HOXC12: variants seen among roughly 807,000 people sequenced by gnomAD.
The protein encoded by HOXC12 is homeobox protein Hox-C12.
HOXC12 carries 24 observed loss-of-function variants against 20.9 expected under a neutral mutation model. The observed-to-expected ratio is 1.15, with a 90% CI of 0.83 to 1.61. The LOEUF (loss-of-function observed/expected upper bound fraction) is 1.61, where lower values mean the gene tolerates loss of function less well. Ranked by LOEUF, HOXC12 falls within the 40% of genes most tolerant of loss-of-function variation. The pLI is 0.00. For synonymous variants in HOXC12, 202 were observed against 197.7 expected (o/e 1.02, Z -0.18); for missense variants, 436 against 406.9 (o/e 1.07, Z -0.62).
At position 53,957,751 on chromosome 12, in the gene HOXC12, T is replaced by G. The variant is rs1345587428; in HGVS notation, c.*1185T>G. 1 of 151,922 alleles carries G rather than the reference T, an allele frequency of 6.6e-6. No individual in the cohort carries two copies. The highest frequency in any genetic ancestry group is 2.4e-5 in the African/African-American group (1 of 41,240). 9.4% of individuals were successfully genotyped at this position (151,922 alleles called of 1,614,324 possible). ...CAGCCCCCCACCCAACTCCCTTCTC[T>G]CTTCCTCGCCCGCCCCCCAACATTG... On this transcript the variant is annotated 3_prime_UTR_variant, in exon 2 of 2. Coordinates refer to ENST00000243103, the MANE Select transcript of HOXC12 (RefSeq NM_173860.3).
Position 53,957,578 on chromosome 12 carries a change from C to CG in HOXC12, c.*1014dup, listed in dbSNP as rs1448130537. 3.0e-5 allele frequency: 3 copies of CG among 100,558 alleles called. 1 individual carries two copies. The highest frequency in any genetic ancestry group is 2.2e-5 in the Non-Finnish European group (1 of 45,270). The allele number at this position is 100,558 out of a possible 1,614,324, so 6.2% of individuals were successfully genotyped here. A position where few individuals can be genotyped will look rare whatever the true frequency, so the allele number is the denominator to read the frequency against. On this transcript the variant is annotated 3_prime_UTR_variant, in exon 2 of 2. Transcript: ENST00000243103. ...ATTCTCCCTTCCCCGCTGGCGTTCA[C>CG]GGTCACTGCCTCACGGGCCGGCCAG...
At position 53,955,519 on chromosome 12, in the gene HOXC12, G is replaced by T; in HGVS notation, c.590G>T (p.Gly197Val). The T allele has an allele frequency of 6.8e-7, 1 of 1,468,546 alleles. No individual in the cohort carries two copies. The highest frequency in any genetic ancestry group is 9.0e-7 in the Non-Finnish European group (1 of 1,114,692). 91.0% of individuals were successfully genotyped at this position (1,468,546 alleles called of 1,614,324 possible). ...PGSLVSPLNP[G>V]GGLSASGAPW... Reference sequence around the variant, plus strand: ...AGCTTGGTATCGCCGTTGAACCCCGGCGGCGGGCTCTCGGCCAGCGGTAAG... The same window carrying T: ...AGCTTGGTATCGCCGTTGAACCCCGTCGGCGGGCTCTCGGCCAGCGGTAAG... Residue 197 changes from glycine to valine, a missense_variant, in exon 1 of 2, where the codon GGC (glycine) becomes GTC (valine). Coordinates refer to ENST00000243103, the MANE Select transcript of HOXC12 (RefSeq NM_173860.3).
At position 53,955,114 on chromosome 12, in the gene HOXC12, A is replaced by G. The variant is rs1938832076; in HGVS notation, c.185A>G (p.Asn62Ser). Residue 62 changes from asparagine to serine, a missense_variant, in exon 1 of 2, where the codon AAT becomes AGT. Transcript: ENST00000243103. ...SLSWPSAEPC[N>S]GYPQPYLGSP... The stretch of plus-strand genomic sequence containing the variant: ...TCCTGGCCGTCGGCGGAGCCGTGCA[A>G]TGGCTACCCGCAGCCCTACCTCGGC... 2 of 1,611,518 alleles carry G rather than the reference A, an allele frequency of 1.2e-6. No individual in the cohort carries two copies. Among genetic ancestry groups the G allele is most frequent in the Non-Finnish European group, 1.7e-6 (2 of 1,179,182 alleles).
chr12:53,955,460 G>T lies in HOXC12; in HGVS notation c.531G>T (p.Glu177Asp). ...ACTCCAGTTCGTCCCTGCTCAACGA[G>T]GGCAACAAGGGCGCCGGCGCAGGCG... ...ESDSSSSLLNEGNKGAGAGDP... is the reference protein window; with the variant it reads ...ESDSSSSLLNDGNKGAGAGDP... Residue 177 changes from glutamate (E) to aspartate (D), a missense_variant, in exon 1 of 2, where the codon GAG (glutamate) becomes GAT (aspartate). Physicochemically the swap from Glu to Asp is conservative, Grantham distance 45 (BLOSUM62 2). Transcript: ENST00000243103. 6.6e-7 allele frequency: 1 copy of T among 1,505,038 alleles called. No homozygotes were observed. The highest frequency in any genetic ancestry group is 8.8e-7 in the Non-Finnish European group (1 of 1,133,030). The allele number at this position is 1,505,038 out of a possible 1,614,324, so 93.2% of individuals were successfully genotyped here.
rs905568812 is a variant in HOXC12, at chr12:53,956,116, G to GA, written c.611-204dup. Among the ~76,000 whole-genome samples, 18 of 151,812 alleles carry GA rather than the reference G, an allele frequency of 1.2e-4. 2 individuals carry two copies. Among genetic ancestry groups the GA allele is most frequent in the African/African-American group, 2.4e-5 (1 of 41,306 alleles). ...AGGAGGTAAGAGCAAAGAATGAAAGGAAAAAAAAGAGTAAAGAAAGTGGGG... is the reference window on the plus strand; with the variant it reads ...AGGAGGTAAGAGCAAAGAATGAAAGGAAAAAAAAAGAGTAAAGAAAGTGGGG... On this transcript the variant is annotated intron_variant, in intron 1 of 1. Coordinates refer to ENST00000243103, the MANE Select transcript of HOXC12 (RefSeq NM_173860.3).
intron 1 of HOXC12, 110 bp downstream of exon 1, chr12:53,955,649 A>G (rs1320591003): frequency 7.5e-6 from 9 of 1,195,196 alleles, no homozygotes; most frequent in Non-Finnish European, 6.3e-6. Context: ...GTGGCGAGGA[A>G]GAGCTTCTTA....
Position 53,955,287 on chromosome 12 carries a change from C to A in HOXC12, c.358C>A (p.Pro120Thr). The change falls in exon 1 of 2, where the codon CCC becomes ACC. Residue 120 changes from proline (P) to threonine (T), a missense_variant. By Grantham distance (38) the Pro-to-Thr change is conservative. Transcript: ENST00000243103. ...EERGRDPGAGPGAALLPLEPS... is the reference protein window; with the variant it reads ...EERGRDPGAGTGAALLPLEPS... ...GCGCGGGCGCGACCCGGGAGCCGGGCCCGGGGCAGCGCTGCTCCCGCTGGA... is the reference window on the plus strand; with the variant it reads ...GCGCGGGCGCGACCCGGGAGCCGGGACCGGGGCAGCGCTGCTCCCGCTGGA... 2.8e-6 allele frequency: 4 copies of A among 1,428,204 alleles called. No individual in the cohort carries two copies. Among genetic ancestry groups the A allele is most frequent in the South Asian group, 1.5e-5 (1 of 64,858 alleles). 88.5% of individuals were successfully genotyped at this position (1,428,204 alleles called of 1,614,324 possible).
At chr12:53,955,939 A>G (rs1378646034) in intron 1 of HOXC12, among the ~76,000 whole-genome samples, 1 of 152,104 alleles carries the variant, frequency 6.6e-6, no homozygotes, top group Non-Finnish European at 1.5e-5. Flanking sequence ...ATTCGCCCAT[A>G]TCTGTTGTAA....
rs376505789 is a variant in HOXC12 at position 53,956,310 on chromosome 12, C to A, written c.611-18C>A. On this transcript the variant is annotated intron_variant, in intron 1 of 1. Coordinates refer to ENST00000243103, the MANE Select transcript of HOXC12 (RefSeq NM_173860.3). ...CCTTTGATCCTTTGGCCAACCCCTG[C>A]CATTCATCTCCACCCAGGCGCGCCC... 5 of 1,564,014 alleles carry A rather than the reference C, an allele frequency of 3.2e-6. No individual in the cohort carries two copies. The highest frequency in any genetic ancestry group is 1.8e-5 in the Admixed American group (1 of 54,704).
intron 1 of HOXC12, 44 bp downstream of exon 1, chr12:53,955,583 C>T (rs1209577641): frequency 1.5e-6 from 2 of 1,365,606 alleles, no homozygotes. Context: ...AACCCGACCT[C>T]TTACCAGGGC....
In HOXC12 at chr12:53,958,110, A is replaced by C. The variant is rs1384789927; in HGVS notation, c.*1544A>C. On this transcript the variant is annotated 3_prime_UTR_variant, in exon 2 of 2. Coordinates refer to ENST00000243103, the MANE Select transcript of HOXC12 (RefSeq NM_173860.3). ...GGGTGAGAAGCAGGGCACTGATGGG[A>C]GTTAACTGCAGCCTGGACAGTGTGA... 1 of 152,294 alleles carries C rather than the reference A, an allele frequency of 6.6e-6. No individual in the cohort carries two copies. Among genetic ancestry groups the C allele is most frequent in the African/African-American group, 2.4e-5 (1 of 41,442 alleles). 9.4% of individuals were successfully genotyped at this position (152,294 alleles called of 1,614,324 possible).
At position 53,956,415 on chromosome 12, in the gene HOXC12, T is replaced by A; in HGVS notation, c.698T>A (p.Phe233Tyr). The A allele has an allele frequency of 6.2e-7, 1 of 1,613,892 alleles. No homozygotes were observed. The highest frequency in any genetic ancestry group is 8.5e-7 in the Non-Finnish European group (1 of 1,179,904). The change falls in exon 2 of 2, where the codon TTT (phenylalanine) becomes TAT (tyrosine). Residue 233 changes from phenylalanine (F) to tyrosine (Y), a missense_variant. Transcript: ENST00000243103. ...CAACTGGCAGAGCTGGAGGGCGAGT[T>A]TCTGGTCAACGAGTTCATCACACGC... ...KLQLAELEGE[F>Y]LVNEFITRQR...
chr12:53,955,304 C>G lies in HOXC12; in HGVS notation c.375C>G (p.Leu125=). ...GAGCCGGGCCCGGGGCAGCGCTGCT[C>G]CCGCTGGAGCCGTCGGGGCCGCCTG... ...DPGAGPGAAL[L]PLEPSGPPAL... is the part of the protein sequence containing the mutation. Residue 125 remains leucine, a synonymous_variant, in exon 1 of 2, where the codon CTC becomes CTG. Transcript: ENST00000243103. 7.2e-7 allele frequency: 1 copy of G among 1,379,960 alleles called. No individual in the cohort carries two copies. The highest frequency in any genetic ancestry group is 9.3e-7 in the Non-Finnish European group (1 of 1,075,482). The allele number at this position is 1,379,960 out of a possible 1,614,324, so 85.5% of individuals were successfully genotyped here.
intron 1 of HOXC12, among the ~76,000 whole-genome samples, chr12:53,956,033 A>C (rs1397172238): frequency 5.9e-5 from 9 of 152,206 alleles, no homozygotes; most frequent in Admixed American, 5.9e-4. Flanking sequence ...GGTTTGGGAA[A>C]AAAGGAGGGG....
rs920706693 is a variant in HOXC12, at chr12:53,958,211, GAGCTTTTTACTCTCCCACC to G, written c.*1649_*1667del. 2.6e-5 allele frequency: 4 copies of G among 152,394 alleles called. No individual in the cohort carries two copies. Among genetic ancestry groups the G allele is most frequent in the African/African-American group, 9.6e-5 (4 of 41,524 alleles). 9.4% of individuals were successfully genotyped at this position (152,394 alleles called of 1,614,324 possible). On this transcript the variant is annotated 3_prime_UTR_variant, in exon 2 of 2. Transcript: ENST00000243103. ...ACAAACTCTCCAAAGGCAATCCACCGAGCTTTTTACTCTCCCACCAGCACACAGCTTCTGTACAGGCAGA... is the reference window on the plus strand; with the variant it reads ...ACAAACTCTCCAAAGGCAATCCACCGAGCACACAGCTTCTGTACAGGCAGA...
chr12:53,955,835 G>A (rs1176500092), intron 1 of HOXC12, among the ~76,000 whole-genome samples: 2 of 152,056 alleles, frequency 1.3e-5, no homozygotes. Flanking sequence ...AGAAAGCCCG[G>A]CCCTAGTTCT....
chr12:53,956,426 G>T lies in HOXC12; in HGVS notation c.709G>T (p.Glu237Ter), dbSNP rs1349097683. 1.9e-6 allele frequency: 3 copies of T among 1,613,930 alleles called. No individual in the cohort carries two copies. The highest frequency in any genetic ancestry group is 2.7e-5 in the African/African-American group (2 of 74,938). ...AELEGEFLVN[E>*]FITRQRRREL... ...GCTGGAGGGCGAGTTTCTGGTCAACGAGTTCATCACACGCCAGCGCCGGAG... is the reference window on the plus strand; with the variant it reads ...GCTGGAGGGCGAGTTTCTGGTCAACTAGTTCATCACACGCCAGCGCCGGAG... Residue 237 changes from glutamate to a stop codon, truncating the protein, a stop_gained, in exon 2 of 2, where the codon GAG (glutamate) becomes TAG (stop). Coordinates refer to ENST00000243103, the MANE Select transcript of HOXC12 (RefSeq NM_173860.3). LOFTEE classifies it high-confidence loss of function.
At chr12:53,956,040 G>A (rs566380919) in intron 1 of HOXC12, among the ~76,000 whole-genome samples, 1 of 152,300 alleles carries the variant, frequency 6.6e-6, no homozygotes, top group South Asian at 2.1e-4. Flanking sequence ...GAAAAAAGGA[G>A]GGGATAGGGA....
chr12:53,956,640 C>A lies in HOXC12; in HGVS notation c.*74C>A. On this transcript the variant is annotated 3_prime_UTR_variant, in exon 2 of 2. Transcript: ENST00000243103. ...GAGCAAAAGAGGGCGCCGCCTAGAA[C>A]ACAGTCCCCACTTAGAACGCCAGGC... 9.3e-7 allele frequency: 1 copy of A among 1,071,646 alleles called. No homozygotes were observed. Among genetic ancestry groups the A allele is most frequent in the Non-Finnish European group, 1.4e-6 (1 of 729,720 alleles). 66.4% of individuals were successfully genotyped at this position (1,071,646 alleles called of 1,614,324 possible).
Sources: allele counts gnomAD v4.1 joint callset (sites outside exome capture counted in the v4.1 genomes callset), GRCh38; gene constraint gnomAD v4.1.1; transcripts MANE v1.5; gene names NCBI Gene and HGNC (gene_info 2026-07-23, HGNC 2026-07-21).